The following PALLD variants were observed in gnomAD, a reference collection of about 807,000 sequenced individuals.
PALLD encodes the protein palladin.
In PALLD, 61 loss-of-function variants were observed where a neutral mutation model predicts 123.5. The ratio of observed to expected loss-of-function variants is 0.49; its 90% confidence interval spans 0.40 to 0.61. The LOEUF (loss-of-function observed/expected upper bound fraction) is 0.61, where lower values mean the gene tolerates loss of function less well. PALLD is among the 20% of genes least tolerant of loss of function. PALLD has a pLI of 0.00. For synonymous variants in PALLD, 465 were observed against 496.4 expected (o/e 0.94, Z 0.84); for missense variants, 1,273 against 1,377.0 (o/e 0.92, Z 1.20).
At chr4:168,827,526 TA>T (rs1394391797) in intron 10 of PALLD, among the ~76,000 whole-genome samples, 2 of 152,272 alleles carry the variant, frequency 1.3e-5, no homozygotes, top group Non-Finnish European at 2.9e-5. Context: ...AAGCTGATCT[TA>T]AGCATTCTAC....
chr4:168,531,708 G>A (rs757381655), intron 2 of PALLD, among the ~76,000 whole-genome samples: 24 of 152,172 alleles, frequency 1.6e-4, no homozygotes, highest in Non-Finnish European at 3.4e-4. Context: ...CTACTACAGT[G>A]AAGATATAAT....
At chr4:168,862,540 CA>C (rs1165299511) in intron 10 of PALLD, among the ~76,000 whole-genome samples, 1 of 152,146 alleles carries the variant, frequency 6.6e-6, no homozygotes, top group East Asian at 1.9e-4. Flanking sequence ...TTCTGTTGGG[CA>C]AAAAGACTAT....
intron 3 of PALLD, among the ~76,000 whole-genome samples, chr4:168,668,615 T>A (rs903345743): frequency 4.6e-5 from 7 of 152,244 alleles, no homozygotes; most frequent in Non-Finnish European, 4.4e-5. Flanking sequence ...TTGAATTATT[T>A]AAAATGTAAG....
chr4:168,682,612 C>A (rs569984391), intron 4 of PALLD, among the ~76,000 whole-genome samples: 2 of 152,246 alleles, frequency 1.3e-5, no homozygotes, highest in South Asian at 4.2e-4. Context: ...GGACCCTAAC[C>A]CTAAACATTT....
At chr4:168,636,722 CTCTA>C (rs1284708731) in intron 2 of PALLD, among the ~76,000 whole-genome samples, 1 of 152,172 alleles carries the variant, frequency 6.6e-6, no homozygotes, top group African/African-American at 2.4e-5. Flanking sequence ...TCCAGAAGGA[CTCTA>C]TCTAAACTAT....
At chr4:168,639,830 C>T (rs774656169) in intron 2 of PALLD, among the ~76,000 whole-genome samples, 1 of 152,218 alleles carries the variant, frequency 6.6e-6, no homozygotes, top group Non-Finnish European at 1.5e-5. Context: ...AGGCGTGAGC[C>T]ACCGTGCCCG....
intron 2 of PALLD, among the ~76,000 whole-genome samples, chr4:168,621,289 T>G (rs1039552483): frequency 2.0e-5 from 3 of 152,198 alleles, no homozygotes; most frequent in African/African-American, 7.2e-5. Context: ...ACGCAAAACT[T>G]CTCTCATCAC....
rs546065863 is a variant in PALLD, at chr4:168,735,291, G to A, written c.1964+23368G>A. Among the ~76,000 whole-genome samples the A allele has an allele frequency of 9.2e-5, 14 of 152,166 alleles. No homozygotes were observed. The East Asian group carries it at 1.2e-3, about 13-fold the overall frequency. ...CCCACTGGCCTTTTCTCGAGGTCCC[G>A]GCCCTCACTTCATCAGTTCCATTCA... is the stretch of plus-strand genomic sequence containing the variant. On this transcript the variant is annotated intron_variant, in intron 10 of 21. Coordinates refer to ENST00000505667, the MANE Select transcript of PALLD (RefSeq NM_001166108.2).
chr4:168,756,708 TAC>T (rs1431897474), intron 10 of PALLD, among the ~76,000 whole-genome samples: 2 of 152,214 alleles, frequency 1.3e-5, no homozygotes, highest in Non-Finnish European at 1.5e-5. Context: ...GGTGTGTTTA[TAC>T]ATTTCCATAT....
intron 2 of PALLD, among the ~76,000 whole-genome samples, chr4:168,610,940 T>C (rs1773667035): frequency 6.6e-6 from 1 of 152,214 alleles, no homozygotes; most frequent in Non-Finnish European, 1.5e-5. Flanking sequence ...TGGCTCCATC[T>C]TCCCAAATCT....
intron 10 of PALLD, among the ~76,000 whole-genome samples, chr4:168,736,919 G>A (rs909042006): frequency 3.3e-5 from 5 of 152,164 alleles, no homozygotes; most frequent in African/African-American, 9.7e-5. Context: ...TTAACGTGAA[G>A]TTTAAAATAT....
rs1767595385 is a variant in PALLD, at chr4:168,558,942, C to T, written c.908+46530C>T. 2.0e-5 allele frequency among the ~76,000 whole-genome samples: 3 copies of T among 152,134 alleles called. No homozygotes were observed. In the South Asian group the frequency reaches 6.2e-4, roughly 32 times the overall value. On this transcript the variant is annotated intron_variant, in intron 2 of 21. Coordinates refer to ENST00000505667, the MANE Select transcript of PALLD (RefSeq NM_001166108.2). ...AAGGTTCAAATTATAATGTAACTTT[C>T]CACATAGCAATTGAAATCACAGACT... is the stretch of plus-strand genomic sequence containing the variant.
intron 2 of PALLD, among the ~76,000 whole-genome samples, chr4:168,519,335 A>C (rs1763302527): frequency 6.6e-6 from 1 of 152,228 alleles, no homozygotes; most frequent in Non-Finnish European, 1.5e-5. Flanking sequence ...TTAATCTACT[A>C]TCCTCATGAT....
At chr4:168,588,298 T>C (rs777942749) in intron 2 of PALLD, among the ~76,000 whole-genome samples, 16 of 152,068 alleles carry the variant, frequency 1.1e-4, no homozygotes, top group African/African-American at 3.9e-4. Context: ...GTTGAAGAAA[T>C]GTGGGGTTGG....
chr4:168,635,306 T>G (rs892413255), intron 2 of PALLD, among the ~76,000 whole-genome samples: 1 of 152,220 alleles, frequency 6.6e-6, no homozygotes. Flanking sequence ...ATGCTAGGGC[T>G]CAGAGACCAG....
intron 10 of PALLD, among the ~76,000 whole-genome samples, chr4:168,827,998 G>A (rs62332971): frequency 0.03 from 4,589 of 152,228 alleles, 127 homozygotes; most frequent in Admixed American, 0.096. Context: ...CCGAGATCAC[G>A]CCATTGCACT....
At chr4:168,589,290 C>G (rs2149682647) in intron 2 of PALLD, among the ~76,000 whole-genome samples, 1 of 152,274 alleles carries the variant, frequency 6.6e-6, no homozygotes, top group East Asian at 1.9e-4. Flanking sequence ...TCCCTCAGGG[C>G]CAGACAGGTG....
chr4:168,647,014 A>C (rs1019493088), intron 2 of PALLD, among the ~76,000 whole-genome samples: 1 of 152,246 alleles, frequency 6.6e-6, no homozygotes. Context: ...AACATGGCCT[A>C]CCTCTCAATG....
chr4:168,755,204 G>A (rs1731651470), intron 10 of PALLD, among the ~76,000 whole-genome samples: 2 of 146,176 alleles, frequency 1.4e-5, no homozygotes, highest in East Asian at 2.0e-4. Flanking sequence ...CTGCACTCCA[G>A]CCTGGGCGAG....
Sources: gnomAD v4.1 joint callset for allele counts (sites outside exome capture counted in the v4.1 genomes callset) on GRCh38, gnomAD v4.1.1 for gene constraint, MANE v1.5 for transcripts, NCBI Gene and HGNC (gene_info 2026-07-23, HGNC 2026-07-21) for gene names.